Variants in CCSER1 observed in about 807,000 individuals in gnomAD.
CCSER1 encodes the protein coiled-coil serine rich protein 1, also known as serine-rich coiled-coil domain-containing protein 1.
A neutral mutation model predicts 82.0 loss-of-function variants in CCSER1; 41 were observed. The observed-to-expected ratio is 0.50, with a 90% CI of 0.39 to 0.65. The LOEUF (loss-of-function observed/expected upper bound fraction) is 0.65, where lower values mean the gene tolerates loss of function less well. CCSER1 is among the 30% of genes least tolerant of loss of function. The probability of loss-of-function intolerance (pLI) is 0.00; values close to 1 mark genes in which losing one functional copy is unlikely to be tolerated. For synonymous variants in CCSER1, 414 were observed against 383.9 expected (o/e 1.08, Z -0.92); for missense variants, 1,119 against 1,064.2 (o/e 1.05, Z -0.72).
intron 9 of CCSER1, among the ~76,000 whole-genome samples, chr4:90,991,549 G>T (rs1737031194): frequency 6.6e-6 from 1 of 151,810 alleles, no homozygotes; most frequent in Non-Finnish European, 1.5e-5. Flanking sequence ...CTCTATGTCA[G>T]TATGTCTATG....
intron 5 of CCSER1, among the ~76,000 whole-genome samples, chr4:90,497,585 A>G (rs1769227381): frequency 6.6e-6 from 1 of 152,224 alleles, no homozygotes; most frequent in South Asian, 2.1e-4. Flanking sequence ...ACCTTGCCAG[A>G]TTCCACAAAA....
At chr4:90,813,234 A>T (rs1758574439) in intron 7 of CCSER1, among the ~76,000 whole-genome samples, 1 of 152,252 alleles carries the variant, frequency 6.6e-6, no homozygotes, top group Admixed American at 6.5e-5. Flanking sequence ...GGAATTGGCC[A>T]AAACAAAAGG....
intron 10 of CCSER1, among the ~76,000 whole-genome samples, chr4:91,590,966 GTTTAA>G (rs1478289904): frequency 6.6e-6 from 1 of 151,976 alleles, no homozygotes. Flanking sequence ...ATTTTTATCT[GTTTAA>G]TTTAAGGAAG....
chr4:90,859,302 A>G (rs370090845), intron 8 of CCSER1, among the ~76,000 whole-genome samples: 2 of 151,886 alleles, frequency 1.3e-5, no homozygotes, highest in East Asian at 1.9e-4. Flanking sequence ...CACATTGTGG[A>G]AAAAATGTTA....
At chr4:91,261,476 A>T (rs2149166091) in intron 10 of CCSER1, among the ~76,000 whole-genome samples, 3 of 152,328 alleles carry the variant, frequency 2.0e-5, no homozygotes, top group Admixed American at 2.0e-4. Flanking sequence ...CTTGGAAAGA[A>T]TCTGGATTTT....
At chr4:91,267,201 T>C (rs1190044703) in intron 10 of CCSER1, among the ~76,000 whole-genome samples, 1 of 152,168 alleles carries the variant, frequency 6.6e-6, no homozygotes, top group Admixed American at 6.5e-5. Context: ...TCTGCCATTT[T>C]TGGGGAATTA....
chr4:90,948,614 G>T (rs1732542480), intron 9 of CCSER1, among the ~76,000 whole-genome samples: 1 of 151,794 alleles, frequency 6.6e-6, no homozygotes, highest in Admixed American at 6.6e-5. Context: ...CTCACTGTTT[G>T]GCAATAATTT....
chr4:90,993,162 C>T (rs1276471610), intron 9 of CCSER1, among the ~76,000 whole-genome samples: 4 of 152,180 alleles, frequency 2.6e-5, no homozygotes, highest in Middle Eastern at 3.4e-3. Flanking sequence ...AAATAGTCAA[C>T]TTTCTTTTGA....
At chr4:90,732,382 C>T (rs969532936) in intron 7 of CCSER1, among the ~76,000 whole-genome samples, 2 of 152,076 alleles carry the variant, frequency 1.3e-5, no homozygotes, top group Admixed American at 6.6e-5. Context: ...CTCGCCTCTA[C>T]CAGCAATGTG....
In CCSER1 at chr4:90,634,446, T is replaced by G. The variant is rs187009719; in HGVS notation, c.1932+6214T>G. On this transcript the variant is annotated intron_variant, in intron 6 of 10. Coordinates refer to ENST00000509176, the MANE Select transcript of CCSER1 (RefSeq NM_001145065.2). The stretch of plus-strand genomic sequence containing the variant: ...ATAATATTCAATGCAAAATTTTTGG[T>G]TTTTTTTCAGCGTAATTTGCAATTA... Among the ~76,000 whole-genome samples, 50 of 151,684 alleles carry G rather than the reference T, an allele frequency of 3.3e-4. 1 individual carries two copies. The highest frequency in any genetic ancestry group is 1.9e-3 in the East Asian group (10 of 5,184).
chr4:91,515,318 A>G (rs1171993869), intron 10 of CCSER1, among the ~76,000 whole-genome samples: 5 of 152,140 alleles, frequency 3.3e-5, no homozygotes, highest in Admixed American at 3.3e-4. Flanking sequence ...TATGAGGCAT[A>G]GTACCTTGTA....
At chr4:90,619,102 G>T (rs1473747749) in intron 5 of CCSER1, among the ~76,000 whole-genome samples, 1 of 151,658 alleles carries the variant, frequency 6.6e-6, no homozygotes, top group Non-Finnish European at 1.5e-5. Flanking sequence ...CTTTTTAGAG[G>T]TTTTTCATCT....
chr4:90,375,116 T>C (rs1381321797), intron 3 of CCSER1, among the ~76,000 whole-genome samples: 2 of 152,198 alleles, frequency 1.3e-5, no homozygotes, highest in South Asian at 2.1e-4. Context: ...GCCTGGTTTA[T>C]CTACCCTCTG....
At chr4:91,370,573 A>T (rs1169448675) in intron 10 of CCSER1, among the ~76,000 whole-genome samples, 20 of 151,904 alleles carry the variant, frequency 1.3e-4, no homozygotes, top group Admixed American at 1.3e-3. Context: ...CACAACATCT[A>T]TAGTCCCAGA....
chr4:90,791,579 A>G (rs916353266), intron 7 of CCSER1, among the ~76,000 whole-genome samples: 1 of 151,872 alleles, frequency 6.6e-6, no homozygotes, highest in African/African-American at 2.4e-5. Context: ...AGCCGGGTGC[A>G]GTGGCTCATA....
intron 1 of CCSER1, among the ~76,000 whole-genome samples, chr4:90,141,823 G>A (rs1292163629): frequency 3.3e-5 from 5 of 152,210 alleles, no homozygotes; most frequent in African/African-American, 9.7e-5. Context: ...AGGATATGTT[G>A]TGTGTAAAAT....
chr4:90,376,537 T>C (rs1320812816), intron 3 of CCSER1, among the ~76,000 whole-genome samples: 1 of 152,170 alleles, frequency 6.6e-6, no homozygotes, highest in African/African-American at 2.4e-5. Flanking sequence ...CTTTTTAAGG[T>C]AGTCCCTGAT....
intron 9 of CCSER1, among the ~76,000 whole-genome samples, chr4:91,026,852 G>A (rs1740530130): frequency 6.6e-6 from 1 of 152,024 alleles, no homozygotes; most frequent in Non-Finnish European, 1.5e-5. Context: ...AAAAGGTATG[G>A]CTTATTAGGC....
At chr4:91,198,368 A>G (rs77798845) in intron 10 of CCSER1, among the ~76,000 whole-genome samples, 1 of 150,078 alleles carries the variant, frequency 6.7e-6, no homozygotes, top group Admixed American at 6.6e-5. Flanking sequence ...ATAAAAAAAA[A>G]GTATGGTGTT....
Sources: gnomAD v4.1 joint callset for allele counts (sites outside exome capture counted in the v4.1 genomes callset) on GRCh38, gnomAD v4.1.1 for gene constraint, MANE v1.5 for transcripts, NCBI Gene and HGNC (gene_info 2026-07-23, HGNC 2026-07-21) for gene names.